CCNH: variants seen among roughly 807,000 people sequenced by gnomAD.
CCNH encodes cyclin H, also known as cyclin-H.
CCNH carries 31 observed loss-of-function variants against 41.9 expected under a neutral mutation model. The ratio of observed to expected loss-of-function variants is 0.74; its 90% CI spans 0.56 to 1.00. The LOEUF is 1.00. Ranked by LOEUF, CCNH falls within the 50% of genes least tolerant of loss-of-function variation. The pLI is 0.00. For synonymous variants in CCNH, 138 were observed against 136.1 expected (o/e 1.01, Z -0.10); for missense variants, 362 against 388.4 (o/e 0.93, Z 0.57).
At chr5:87,342,767 T>C (rs947507191) in intron 9 of CCNH, among the ~76,000 whole-genome samples, 5 of 152,318 alleles carry the variant, frequency 3.3e-5, no homozygotes, top group East Asian at 1.9e-4. Context: ...CTAGTTGATA[T>C]GTGTAGGAAT....
chr5:87,390,938 C>T, downstream of CCNH: 1 of 1,519,420 alleles, frequency 6.6e-7, no homozygotes, highest in East Asian at 2.3e-5. Flanking sequence ...TGGTAATTCA[C>T]TTCAGTTTAA....
intron 9 of CCNH, chr5:87,341,427 T>C: frequency 1.6e-6 from 1 of 636,250 alleles, no homozygotes; most frequent in East Asian, 3.6e-5. Context: ...TTGGACTGAC[T>C]TAACTTTTAA....
chr5:87,320,665 G>A (rs1756725518), intron 9 of CCNH, among the ~76,000 whole-genome samples: 1 of 152,154 alleles, frequency 6.6e-6, no homozygotes, highest in African/African-American at 2.4e-5. Flanking sequence ...CTACCACCAG[G>A]TCCCTCCCCC....
In CCNH at chr5:87,394,435, A is replaced by ACTT; in HGVS notation, c.*8_*10dup. On this transcript the variant is annotated 3_prime_UTR_variant, in exon 9 of 9. Coordinates refer to ENST00000256897, the MANE Select transcript of CCNH (RefSeq NM_001239.4). The stretch of plus-strand genomic sequence containing the variant: ...TTGATTAGTTAGCATTGAGAAATCA[A>ACTT]CTTCAAATGGTTAGAGAGATTCTAC... The ACTT allele has an allele frequency of 1.2e-6, 2 of 1,612,128 alleles. No individual in the cohort carries two copies. The highest frequency in any genetic ancestry group is 1.7e-5 in the Admixed American group (1 of 59,918).
chr5:87,394,747 A>T (rs912880314), intron 8 of CCNH: 14 of 1,326,526 alleles, frequency 1.1e-5, no homozygotes, highest in Non-Finnish European at 1.3e-5. Context: ...AATTTTTTTT[A>T]AAAGGGGGTA....
intron 9 of CCNH, among the ~76,000 whole-genome samples, chr5:87,323,016 T>C (rs547920358): frequency 6.6e-6 from 1 of 152,264 alleles, no homozygotes; most frequent in East Asian, 1.9e-4. Context: ...TTTGTTAATT[T>C]AAGCCTGGCG....
At chr5:87,387,266 A>G (rs1762125897), downstream of CCNH, among the ~76,000 whole-genome samples, 1 of 152,110 alleles carries the variant, frequency 6.6e-6, no homozygotes, top group Admixed American at 6.6e-5. Flanking sequence ...GGCGTGAAGC[A>G]AGACGATGAC....
chr5:87,409,193 T>C (rs1764027612), intron 3 of CCNH, 97 bp downstream of exon 3: 9 of 631,564 alleles, frequency 1.4e-5, no homozygotes, highest in South Asian at 2.5e-5. Context: ...GTCAGTTCTC[T>C]CTCTCTCTCT....
At chr5:87,403,021 A>G (rs1471559249) in intron 5 of CCNH, among the ~76,000 whole-genome samples, 2 of 152,222 alleles carry the variant, frequency 1.3e-5, no homozygotes, top group Non-Finnish European at 2.9e-5. Flanking sequence ...ATAAAGCTCT[A>G]AATCTGCAAG....
At chr5:87,383,857 ATC>A in intron 9 of CCNH, 9 of 1,254,084 alleles carry the variant, frequency 7.2e-6, no homozygotes, top group South Asian at 1.3e-5. Context: ...ATACTCTTAA[ATC>A]TTTTTTTTTT....
At chr5:87,378,475 G>C, upstream of CCNH, 1 of 1,612,510 alleles carries the variant, frequency 6.2e-7, no homozygotes, top group Non-Finnish European at 8.5e-7. Context: ...CTGCTACACA[G>C]TTTGTTCATC....
At chr5:87,318,818 A>G (rs1756547595) in exon 10 of CCNH, 1 of 152,228 alleles carries the variant, frequency 6.6e-6, no homozygotes. Context: ...ACAGTCCCCC[A>G]AAGTCTTAAC....
At chr5:87,328,141 T>C (rs1433001354) in intron 9 of CCNH, among the ~76,000 whole-genome samples, 1 of 152,220 alleles carries the variant, frequency 6.6e-6, no homozygotes, top group African/African-American at 2.4e-5. Flanking sequence ...TTAAAACTTA[T>C]TATTGCTATG....
chr5:87,372,278 G>A (rs2112480359), downstream of CCNH: 1 of 1,294,572 alleles, frequency 7.7e-7, no homozygotes, highest in East Asian at 2.5e-5. Context: ...TATCTGAACT[G>A]TTTTGGACAT....
At chr5:87,408,428 A>C (rs1177389606) in intron 3 of CCNH, among the ~76,000 whole-genome samples, 1 of 152,228 alleles carries the variant, frequency 6.6e-6, no homozygotes, top group Non-Finnish European at 1.5e-5. Flanking sequence ...ATGGCATTCA[A>C]ACATCACTGA....
chr5:87,385,463 TTAAG>T (rs2112513615), intron 9 of CCNH: 2 of 1,171,962 alleles, frequency 1.7e-6, no homozygotes, highest in South Asian at 2.6e-5. Flanking sequence ...AAATTGTGGC[TTAAG>T]TAAATTTTTA....
At chr5:87,377,763 A>G (rs865786610), upstream of CCNH, among the ~76,000 whole-genome samples, 8 of 152,150 alleles carry the variant, frequency 5.3e-5, no homozygotes, top group South Asian at 2.1e-4. Context: ...CCTGGCCCAC[A>G]CACACCACCA....
chr5:87,404,331 A>C (rs1162386130), intron 5 of CCNH, among the ~76,000 whole-genome samples: 3 of 152,158 alleles, frequency 2.0e-5, no homozygotes, highest in African/African-American at 7.2e-5. Flanking sequence ...AAATAGTTTT[A>C]ATTAACTTTA....
downstream of CCNH, among the ~76,000 whole-genome samples, chr5:87,313,610 A>T (rs1001067474): frequency 6.6e-6 from 1 of 152,204 alleles, no homozygotes; most frequent in African/African-American, 2.4e-5. Flanking sequence ...GATGACTTAA[A>T]TGTCCCCCAG....
Sources: allele counts gnomAD v4.1 joint callset (sites outside exome capture counted in the v4.1 genomes callset), GRCh38; gene constraint gnomAD v4.1.1; transcripts MANE v1.5; gene names NCBI Gene and HGNC (gene_info 2026-07-23, HGNC 2026-07-21).